Variants in DOCK3 observed in about 807,000 individuals in gnomAD.
DOCK3 encodes dedicator of cytokinesis protein 3.
DOCK3 carries 60 observed loss-of-function variants against 265.6 expected under a neutral mutation model. That is an observed-to-expected ratio of 0.23 (90% CI 0.18 to 0.28). The LOEUF is 0.28. Among genes scored for constraint, DOCK3 ranks in the 10% least tolerant of loss-of-function variants. The pLI, the probability that DOCK3 is intolerant of heterozygous loss-of-function variation, is 1.00. For missense variants in DOCK3, 1,981 were observed against 2,594.3 expected, an observed-to-expected ratio of 0.76 and a Z score of 5.14; for synonymous variants, 881 against 938.0, an observed-to-expected ratio of 0.94 and a Z score of 1.11.
intron 9 of DOCK3, among the ~76,000 whole-genome samples, chr3:51,111,134 G>A (rs989542198): frequency 6.6e-6 from 1 of 152,108 alleles, no homozygotes; most frequent in Non-Finnish European, 1.5e-5. Context: ...GGAGGTGAGA[G>A]ATCTCTACAA....
intron 9 of DOCK3, among the ~76,000 whole-genome samples, chr3:51,090,801 G>A (rs1456386900): frequency 3.9e-5 from 6 of 152,182 alleles, no homozygotes; most frequent in African/African-American, 1.4e-4. Flanking sequence ...GGGGCTGATG[G>A]TGTCTTGTCT....
intron 29 of DOCK3, among the ~76,000 whole-genome samples, 154 bp downstream of exon 29, chr3:51,312,233 G>T (rs577914028): frequency 6.6e-6 from 1 of 152,222 alleles, no homozygotes; most frequent in Non-Finnish European, 1.5e-5. Flanking sequence ...TACCCCTGTT[G>T]GAAGTGTTGG....
At chr3:51,174,326 A>T (rs541970096) in intron 12 of DOCK3, among the ~76,000 whole-genome samples, 4 of 152,238 alleles carry the variant, frequency 2.6e-5, no homozygotes, top group Non-Finnish European at 5.9e-5. Flanking sequence ...AAAATTAGCC[A>T]GGTGTGGTGG....
chr3:51,174,966 G>A (rs1418506788), intron 12 of DOCK3, among the ~76,000 whole-genome samples: 2 of 152,204 alleles, frequency 1.3e-5, no homozygotes, highest in Non-Finnish European at 2.9e-5. Flanking sequence ...ATAGAGCTGA[G>A]GCAAGGTGCC....
chr3:50,901,035 G>T, intron 4 of DOCK3: 3 of 335,076 alleles, frequency 9.0e-6, no homozygotes, highest in South Asian at 7.0e-5. Flanking sequence ...CTTCAGAACA[G>T]ACAGGCTGGA....
At chr3:50,974,124 A>G (rs1286897453) in intron 5 of DOCK3, among the ~76,000 whole-genome samples, 5 of 151,206 alleles carry the variant, frequency 3.3e-5, no homozygotes, top group South Asian at 2.1e-4. Context: ...CTTTTGCTGT[A>G]CAGAAGCTCT....
chr3:50,792,122 AT>A (rs34021915), intron 2 of DOCK3, among the ~76,000 whole-genome samples: 25 of 142,706 alleles, frequency 1.8e-4, no homozygotes, highest in Admixed American at 4.9e-4. Context: ...GTCATCTCTG[AT>A]TTTTTTTTTT....
chr3:51,067,986 A>G (rs2081666339), intron 6 of DOCK3, among the ~76,000 whole-genome samples: 1 of 152,204 alleles, frequency 6.6e-6, no homozygotes, highest in Non-Finnish European at 1.5e-5. Flanking sequence ...TATAAATGCC[A>G]TAAAATCTTG....
chr3:50,816,394 T>G (rs2044082677), intron 2 of DOCK3, among the ~76,000 whole-genome samples: 1 of 149,502 alleles, frequency 6.7e-6, no homozygotes, highest in African/African-American at 2.5e-5. Context: ...TGATCTTGGC[T>G]CACTGCAGCC....
At chr3:50,877,354 A>C in intron 3 of DOCK3, 1 of 492,374 alleles carries the variant, frequency 2.0e-6, no homozygotes, top group Non-Finnish European at 4.1e-6. Context: ...TCAGCATTGT[A>C]CTAGTATCTT....
chr3:51,187,146 T>A (rs1453867679), intron 12 of DOCK3, among the ~76,000 whole-genome samples: 2 of 152,188 alleles, frequency 1.3e-5, no homozygotes, highest in Non-Finnish European at 2.9e-5. Context: ...GGCTATACCC[T>A]GCAAAGCCAC....
At chr3:50,919,655 G>A (rs1466238655) in intron 4 of DOCK3, among the ~76,000 whole-genome samples, 2 of 152,172 alleles carry the variant, frequency 1.3e-5, no homozygotes, top group Non-Finnish European at 2.9e-5. Flanking sequence ...TTTGGGCTGA[G>A]ATGATAGGGT....
intron 30 of DOCK3, 114 bp downstream of exon 30, chr3:51,312,690 C>T: frequency 7.9e-7 from 1 of 1,260,428 alleles, no homozygotes; most frequent in East Asian, 2.5e-5. Context: ...TTCCCAGGGG[C>T]CCAAGTGTGG....
intron 2 of DOCK3, among the ~76,000 whole-genome samples, chr3:50,840,036 G>A (rs556623288): frequency 1.3e-5 from 2 of 151,816 alleles, no homozygotes; most frequent in South Asian, 4.2e-4. Flanking sequence ...CAAAGTGCTG[G>A]GATTACAGGT....
intron 32 of DOCK3, among the ~76,000 whole-genome samples, chr3:51,323,775 C>T (rs765074714): frequency 1.3e-5 from 2 of 151,992 alleles, no homozygotes; most frequent in Non-Finnish European, 2.9e-5. Context: ...ATTAAAAAAA[C>T]TAGAGAAGCA....
chr3:51,295,974 G>A (rs2082056976), intron 27 of DOCK3, among the ~76,000 whole-genome samples: 1 of 152,214 alleles, frequency 6.6e-6, no homozygotes, highest in Non-Finnish European at 1.5e-5. Flanking sequence ...CCAAGTAGCT[G>A]GAACTACAGG....
At position 51,362,987 on chromosome 3, in the gene DOCK3, A is replaced by G. The variant is rs145507778; in HGVS notation, c.5293+313A>G. On this transcript the variant is annotated intron_variant, in intron 49 of 52. Transcript: ENST00000266037. Reference sequence around the variant, plus strand: ...TTTGCTAGAACAAAGATCAAAGTCTAGGCAAAAGTGAGTCTTTTGTCTTGA... The same window carrying G: ...TTTGCTAGAACAAAGATCAAAGTCTGGGCAAAAGTGAGTCTTTTGTCTTGA... 9.8e-5 allele frequency among the ~76,000 whole-genome samples: 15 copies of G among 152,370 alleles called. No homozygotes were observed. The East Asian group carries it at 2.9e-3, about 29-fold the overall frequency.
intron 5 of DOCK3, among the ~76,000 whole-genome samples, chr3:50,997,260 T>A (rs1252320699): frequency 6.6e-6 from 1 of 152,200 alleles, no homozygotes; most frequent in Non-Finnish European, 1.5e-5. Flanking sequence ...ATCCATTGAA[T>A]AAATGAATTT....
chr3:51,253,570 A>C (rs1280196766), intron 22 of DOCK3, among the ~76,000 whole-genome samples: 1 of 151,900 alleles, frequency 6.6e-6, no homozygotes, highest in East Asian at 1.9e-4. Context: ...CAGGGATTCA[A>C]CTTCTTCCTG....
Sources: gnomAD v4.1 joint callset for allele counts (sites outside exome capture counted in the v4.1 genomes callset) on GRCh38, gnomAD v4.1.1 for gene constraint, MANE v1.5 for transcripts, NCBI Gene and HGNC (gene_info 2026-07-23, HGNC 2026-07-21) for gene names.